Variants in HPF1 observed in about 807,000 individuals in gnomAD.
HPF1 encodes the protein histone PARylation factor 1.
In HPF1, 35 loss-of-function variants were observed where a neutral mutation model predicts 38.8. The observed-to-expected ratio is 0.90, with a 90% CI of 0.69 to 1.19. The LOEUF (loss-of-function observed/expected upper bound fraction) is 1.19, where lower values mean the gene tolerates loss of function less well. Among genes scored for constraint, HPF1 ranks in the 50% most tolerant of loss-of-function variants. HPF1 has a pLI of 0.00. For synonymous variants in HPF1, 115 were observed against 139.2 expected (o/e 0.83, Z 1.22); for missense variants, 367 against 405.8 (o/e 0.90, Z 0.82).
At chr4:169,757,658 C>T (rs941694661) in intron 1 of HPF1, among the ~76,000 whole-genome samples, 172 bp downstream of exon 1, 1 of 152,228 alleles carries the variant, frequency 6.6e-6, no homozygotes, top group Non-Finnish European at 1.5e-5. Context: ...CCTGGTCCAA[C>T]CCCCTGCAGA....
chr4:169,739,355 C>T (rs1733936970), intron 5 of HPF1, among the ~76,000 whole-genome samples: 1 of 151,796 alleles, frequency 6.6e-6, no homozygotes, highest in African/African-American at 2.4e-5. Flanking sequence ...AGACTAACAT[C>T]CAAATTAGAA....
intron 3 of HPF1, 127 bp downstream of exon 3, chr4:169,750,409 A>G: frequency 3.2e-6 from 2 of 622,258 alleles, no homozygotes; most frequent in Non-Finnish European, 2.7e-6. Flanking sequence ...CAAGAACAAC[A>G]GATGGCTCAT....
chr4:169,754,372 G>A (rs1734158419), intron 1 of HPF1, among the ~76,000 whole-genome samples: 1 of 152,114 alleles, frequency 6.6e-6, no homozygotes, highest in Admixed American at 6.6e-5. Context: ...TAGTGACAAT[G>A]TTAAACATCT....
chr4:169,736,058 T>C (rs1733888368), intron 6 of HPF1, among the ~76,000 whole-genome samples: 1 of 151,984 alleles, frequency 6.6e-6, no homozygotes, highest in Non-Finnish European at 1.5e-5. Context: ...CCTGTTTTAA[T>C]TTACAAACTT....
At chr4:169,750,946 C>T (rs1734111515) in intron 2 of HPF1, among the ~76,000 whole-genome samples, 1 of 152,178 alleles carries the variant, frequency 6.6e-6, no homozygotes. Flanking sequence ...AAATTTACCA[C>T]TGAATTAGCC....
intron 1 of HPF1, 111 bp downstream of exon 1, chr4:169,757,719 G>T: frequency 1.8e-6 from 2 of 1,085,488 alleles, no homozygotes; most frequent in Non-Finnish European, 2.7e-6. Context: ...CGCAGCCCCT[G>T]GACACACAGC....
chr4:169,757,886 T>G lies in HPF1; in HGVS notation c.-9A>C, dbSNP rs1204319869. On this transcript the variant is annotated 5_prime_UTR_variant, in exon 1 of 8. Transcript: ENST00000393381. ...CCGCCACCGCCGACCATTCTGCAGC[T>G]GCAGCGCCAGCAGAATTCCCCGATC... The G allele has an allele frequency of 1.3e-6, 2 of 1,552,874 alleles. No homozygotes were observed. The highest frequency in any genetic ancestry group is 4.8e-5 in the East Asian group (2 of 41,608).
chr4:169,735,141 AAG>A (rs1491066354), intron 6 of HPF1, among the ~76,000 whole-genome samples: 6 of 151,538 alleles, frequency 4.0e-5, no homozygotes, highest in African/African-American at 1.2e-4. Flanking sequence ...AAAAAAAAAA[AAG>A]AAGAAAGAAA....
At chr4:169,755,422 G>A (rs1734176690) in intron 1 of HPF1, among the ~76,000 whole-genome samples, 1 of 152,136 alleles carries the variant, frequency 6.6e-6, no homozygotes, top group Non-Finnish European at 1.5e-5. Flanking sequence ...GTATACTCGG[G>A]TTCCACAGGA....
chr4:169,747,513 G>T (rs1431702048), intron 4 of HPF1, among the ~76,000 whole-genome samples: 1 of 152,080 alleles, frequency 6.6e-6, no homozygotes, highest in African/African-American at 2.4e-5. Flanking sequence ...ACTAAAAGAG[G>T]TCAAAGAAAA....
intron 6 of HPF1, 67 bp from the exon 7 acceptor site, chr4:169,731,943 A>G (rs2150288343): frequency 7.5e-7 from 1 of 1,329,498 alleles, no homozygotes; most frequent in Admixed American, 2.0e-5. Context: ...TTCAAAAGTA[A>G]GAAGATTATA....
chr4:169,731,723 A>G lies in HPF1; in HGVS notation c.890T>C (p.Leu297Pro), dbSNP rs1214138974. 6.4e-7 allele frequency: 1 copy of G among 1,558,964 alleles called. No individual in the cohort carries two copies. Among genetic ancestry groups the G allele is most frequent in the Non-Finnish European group, 8.6e-7 (1 of 1,159,012 alleles). Residue 297 changes from leucine to proline, a missense_variant, in exon 7 of 8, where the codon CTC (leucine) becomes CCC (proline). Physicochemically the swap from Leu to Pro is moderately conservative, Grantham distance 98 (BLOSUM62 -3). Transcript: ENST00000393381. ...YGMGLELGMDLFCYGSHYFHK... is the reference protein window; with the variant it reads ...YGMGLELGMDPFCYGSHYFHK... ...ACTCACATGTGAGCCATAGCAAAAG[A>G]GATCCATTCCCAATTCAAGCCCCAT...
At chr4:169,733,150 T>G (rs1259596454) in intron 6 of HPF1, among the ~76,000 whole-genome samples, 1 of 152,172 alleles carries the variant, frequency 6.6e-6, no homozygotes, top group Non-Finnish European at 1.5e-5. Context: ...AACTAAAACC[T>G]TCACCAAATT....
chr4:169,745,173 T>C (rs1397038370), intron 4 of HPF1, among the ~76,000 whole-genome samples: 1 of 152,140 alleles, frequency 6.6e-6, no homozygotes. Context: ...AGAGGATCTT[T>C]GGGGGTGTGT....
At chr4:169,735,604 G>C (rs1226814541) in intron 6 of HPF1, among the ~76,000 whole-genome samples, 1 of 152,106 alleles carries the variant, frequency 6.6e-6, no homozygotes, top group Non-Finnish European at 1.5e-5. Context: ...TTTACTCCAG[G>C]GCACTACAAT....
chr4:169,749,086 T>TA (rs35115235), intron 3 of HPF1, among the ~76,000 whole-genome samples: 5,250 of 152,224 alleles, frequency 0.034, 156 homozygotes, highest in African/African-American at 0.079. Context: ...AACGTAGATG[T>TA]AAAAAATTGT....
intron 4 of HPF1, among the ~76,000 whole-genome samples, chr4:169,747,631 T>C (rs1182485066): frequency 1.3e-5 from 2 of 152,220 alleles, no homozygotes; most frequent in Non-Finnish European, 2.9e-5. Flanking sequence ...GTGGCTGATA[T>C]AGCACAGACT....
chr4:169,754,823 G>C (rs1481097652), intron 1 of HPF1, among the ~76,000 whole-genome samples: 1 of 152,182 alleles, frequency 6.6e-6, no homozygotes, highest in Non-Finnish European at 1.5e-5. Flanking sequence ...TAATGCCCAG[G>C]ATAGGCATCC....
At chr4:169,748,954 A>T (rs878862792) in intron 3 of HPF1, 112 bp from the exon 4 acceptor site, 1 of 539,314 alleles carries the variant, frequency 1.9e-6, no homozygotes, top group Non-Finnish European at 3.3e-6. Flanking sequence ...TCCTTTTTGG[A>T]GGCCTTTTTT....
Sources: allele counts gnomAD v4.1 joint callset (sites outside exome capture counted in the v4.1 genomes callset), GRCh38; gene constraint gnomAD v4.1.1; transcripts MANE v1.5; gene names NCBI Gene and HGNC (gene_info 2026-07-23, HGNC 2026-07-21).